ZNF587: variants seen among roughly 807,000 people sequenced by gnomAD.
ZNF587 encodes the protein zinc finger protein zfp6.
A neutral mutation model predicts 7.5 loss-of-function variants in ZNF587; 8 were observed. The ratio of observed to expected loss-of-function variants is 1.06; its 90% CI spans 0.62 to 1.92. ZNF587 has a LOEUF of 1.92. Ranked by LOEUF, ZNF587 falls within the 40% of genes most tolerant of loss-of-function variation. ZNF587 has a pLI of 0.00. For synonymous variants in ZNF587, 145 were observed against 237.8 expected (o/e 0.61, Z 3.59); for missense variants, 468 against 692.8 (o/e 0.68, Z 3.64).
chr19:57,863,214 T>G lies in ZNF587; in HGVS notation c.*3074T>G, dbSNP rs753004256. On this transcript the variant is annotated 3_prime_UTR_variant, in exon 3 of 3. Transcript: ENST00000339656. ...TCACTGCAACTTCTACCTCCTGGAT[T>G]CAAGCACTTCTCCTTGCCTCAGCCA... The G allele has an allele frequency of 4.6e-5, 7 of 152,276 alleles. No homozygotes were observed. Among genetic ancestry groups the G allele is most frequent in the Non-Finnish European group, 1.0e-4 (7 of 68,076 alleles). The allele number at this position is 152,276 out of a possible 1,614,324, so 9.4% of individuals were successfully genotyped here.
In ZNF587 at chr19:57,859,924, C is replaced by G. The variant is rs768676384; in HGVS notation, c.1512C>G (p.Ser504Arg). 2.5e-6 allele frequency: 4 copies of G among 1,614,046 alleles called. No individual in the cohort carries two copies. The Admixed American group carries it at 6.7e-5, about 27-fold the overall frequency. Reference sequence around the variant, plus strand: ...AATGTGGGAAATCATTTCTTTCCAGCTCTGCGCTTCATGTTCATAAAAGAG... The same window carrying G: ...AATGTGGGAAATCATTTCTTTCCAGGTCTGCGCTTCATGTTCATAAAAGAG... ...CSECGKSFLS[S>R]SALHVHKRVH... The change falls in exon 3 of 3, where the codon AGC becomes AGG. Residue 504 changes from serine to arginine, a missense_variant. This residue lies in a region of ZNF587 where 310 missense variants were observed against 325.6 expected (regional missense o/e 0.95). Transcript: ENST00000339656.
chr19:57,858,570 T>C lies in ZNF587; in HGVS notation c.164-6T>C. On this transcript the variant is annotated splice_polypyrimidine_tract_variant and splice_region_variant and intron_variant, in intron 2 of 2. Coordinates refer to ENST00000339656, the MANE Select transcript of ZNF587 (RefSeq NM_032828.4). Reference sequence around the variant, plus strand: ...TTGCACTTGACCAGCATTTTCTTGCTTTCAGGTTGTTGGTGTGGATCAAAA... The same window carrying C: ...TTGCACTTGACCAGCATTTTCTTGCCTTCAGGTTGTTGGTGTGGATCAAAA... 3.1e-6 allele frequency: 5 copies of C among 1,604,264 alleles called. No individual in the cohort carries two copies. Among genetic ancestry groups the C allele is most frequent in the Non-Finnish European group, 4.3e-6 (5 of 1,173,958 alleles).
rs940018602 is a variant in ZNF587, at chr19:57,864,934, A to C, written c.*4794A>C. On this transcript the variant is annotated 3_prime_UTR_variant, in exon 3 of 3. Transcript: ENST00000339656. ...AGAGTGAGATCCTGCCTCAAAAAAA[A>C]CAAAAAAATTCTTTATTTTCTCCAT... The C allele has an allele frequency of 6.6e-6, 1 of 152,192 alleles. No individual in the cohort carries two copies. 9.4% of individuals were successfully genotyped at this position (152,192 alleles called of 1,614,324 possible). A position where few individuals can be genotyped will look rare whatever the true frequency, so the allele number is the denominator to read the frequency against.
At chr19:57,852,452 G>T (rs1339350380) in intron 1 of ZNF587, 1 of 398,644 alleles carries the variant, frequency 2.5e-6, no homozygotes, top group Non-Finnish European at 4.4e-6. Context: ...CCAGGTGAGG[G>T]TTAATGGATC....
At position 57,864,614 on chromosome 19, in the gene ZNF587, T is replaced by C. The variant is rs1403779328; in HGVS notation, c.*4474T>C. 1 of 152,118 alleles carries C rather than the reference T, an allele frequency of 6.6e-6. No individual in the cohort carries two copies. The highest frequency in any genetic ancestry group is 1.5e-5 in the Non-Finnish European group (1 of 68,034). The allele number at this position is 152,118 out of a possible 1,614,324, so 9.4% of individuals were successfully genotyped here. On this transcript the variant is annotated 3_prime_UTR_variant, in exon 3 of 3. Transcript: ENST00000339656. ...AGCACATACAGGCACATACATGAAA[T>C]AGTGATACTTCATTCTCAGTAATAT... is the stretch of plus-strand genomic sequence containing the variant.
rs765796514 is a variant in ZNF587, at chr19:57,860,045, G to C, written c.1633G>C (p.Glu545Gln). The C allele has an allele frequency of 1.2e-6, 2 of 1,614,154 alleles. No individual in the cohort carries two copies. The highest frequency in any genetic ancestry group is 1.7e-6 in the Non-Finnish European group (2 of 1,180,012). The change falls in exon 3 of 3, where the codon GAA becomes CAA. Residue 545 changes from glutamate to glutamine, a missense_variant. Coordinates refer to ENST00000339656, the MANE Select transcript of ZNF587 (RefSeq NM_032828.4). ...TAAACACAGGAGAATTCACACTGGA[G>C]AAAGGCCTTATGAATGCACCAAATG... is the stretch of plus-strand genomic sequence containing the variant. ...LIKHRRIHTGERPYECTKCGK... is the reference protein window; with the variant it reads ...LIKHRRIHTGQRPYECTKCGK...
At position 57,859,543 on chromosome 19, in the gene ZNF587, A is replaced by C; in HGVS notation, c.1131A>C (p.Glu377Asp). The C allele has an allele frequency of 6.2e-7, 1 of 1,613,952 alleles. No individual in the cohort carries two copies. Among genetic ancestry groups the C allele is most frequent in the Non-Finnish European group, 8.5e-7 (1 of 1,179,974 alleles). Residue 377 changes from glutamate to aspartate, a missense_variant, in exon 3 of 3, where the codon GAA becomes GAC. Physicochemically the swap from Glu to Asp is conservative, Grantham distance 45 (BLOSUM62 2). This residue lies in a region of ZNF587 where 310 missense variants were observed against 325.6 expected (regional missense o/e 0.95). Coordinates refer to ENST00000339656, the MANE Select transcript of ZNF587 (RefSeq NM_032828.4). ...ACCATCAGCGTGTTCACACTGGAGA[A>C]AGGCCTTACAAGTGTGGAGAATGTG... ...FINHQRVHTG[E>D]RPYKCGECGK...
rs1055627224 is a variant in ZNF587 at position 57,863,871 on chromosome 19, T to C, written c.*3731T>C. The C allele has an allele frequency of 1.3e-5, 2 of 151,400 alleles. No homozygotes were observed. The highest frequency in any genetic ancestry group is 4.8e-5 in the African/African-American group (2 of 41,286). 9.4% of individuals were successfully genotyped at this position (151,400 alleles called of 1,614,324 possible). ...CACCCTGGCCAATATTGTGAATTCC[T>C]GTCTCTACTAAAAATACAAAAATTA... On this transcript the variant is annotated 3_prime_UTR_variant, in exon 3 of 3. Coordinates refer to ENST00000339656, the MANE Select transcript of ZNF587 (RefSeq NM_032828.4).
Position 57,856,215 on chromosome 19 carries a change from G to C in ZNF587, c.145G>C (p.Ala49Pro). ...LYRDVMLENL[A>P]LISSLGCWCG... is the part of the protein sequence containing the mutation. ...CCGTGATGTGATGCTAGAGAACCTG[G>C]CTCTCATATCCTCGCTGGGTAAGTT... Residue 49 changes from alanine to proline, a missense_variant, in exon 2 of 3, where the codon GCT becomes CCT. This residue lies in a region of ZNF587 where 92 missense variants were observed against 89.7 expected (regional missense o/e 1.03). Transcript: ENST00000339656. 6.3e-7 allele frequency: 1 copy of C among 1,593,096 alleles called. No homozygotes were observed. Among genetic ancestry groups the C allele is most frequent in the Non-Finnish European group, 8.6e-7 (1 of 1,166,866 alleles).
At chr19:57,850,754 T>C (rs1396467991) in intron 1 of ZNF587, 2 of 394,650 alleles carry the variant, frequency 5.1e-6, no homozygotes, top group African/African-American at 4.1e-5. Flanking sequence ...CCCAGTTTAT[T>C]GGTTTACAAG....
Position 57,858,611 on chromosome 19 carries a change from T to C in ZNF587, c.199T>C (p.Cys67Arg). 1.3e-6 allele frequency: 2 copies of C among 1,581,090 alleles called. No individual in the cohort carries two copies. The highest frequency in any genetic ancestry group is 1.7e-6 in the Non-Finnish European group (2 of 1,165,656). The change falls in exon 3 of 3, where the codon TGT (cysteine) becomes CGT (arginine). Residue 67 changes from cysteine (C) to arginine (R), a missense_variant. Around this residue, in one of 5 missense-constraint regions of ZNF587, gnomAD observed 92 missense variants for 89.7 expected, o/e 1.03. Coordinates refer to ENST00000339656, the MANE Select transcript of ZNF587 (RefSeq NM_032828.4). ...TGGATCAAAAGATGAGGAGGCACCT[T>C]GTAAGCAGAGAATTTCTGTACAAAG... ...WCGSKDEEAP[C>R]KQRISVQRES...
chr19:57,852,507 T>C lies in ZNF587; in HGVS notation c.33+2436T>C, dbSNP rs2071293089. ...TGGGTCTGGATTCAGGATTCACTTT[T>C]TGTAAAGAGACAGCTAGGTTTTCTT... On this transcript the variant is annotated intron_variant, in intron 1 of 2. Coordinates refer to ENST00000339656, the MANE Select transcript of ZNF587 (RefSeq NM_032828.4). The C allele has an allele frequency of 1.8e-5, 7 of 398,146 alleles. No individual in the cohort carries two copies. In the East Asian group the frequency reaches 2.1e-4, roughly 12 times the overall value. 24.7% of individuals were successfully genotyped at this position (398,146 alleles called of 1,614,324 possible). A position where few individuals can be genotyped will look rare whatever the true frequency, so the allele number is the denominator to read the frequency against.
intron 1 of ZNF587, chr19:57,850,904 C>A: frequency 4.6e-6 from 1 of 215,584 alleles, no homozygotes. Context: ...AGGCGTGTGT[C>A]TAAACTACTT....
Position 57,860,571 on chromosome 19 carries a change from A to G in ZNF587, c.*431A>G, listed in dbSNP as rs538620415. 8.8e-6 allele frequency: 2 copies of G among 227,228 alleles called. No homozygotes were observed. Among genetic ancestry groups the G allele is most frequent in the East Asian group, 2.2e-4 (2 of 9,136 alleles). The allele number at this position is 227,228 out of a possible 1,614,324, so 14.1% of individuals were successfully genotyped here. On this transcript the variant is annotated 3_prime_UTR_variant, in exon 3 of 3. Coordinates refer to ENST00000339656, the MANE Select transcript of ZNF587 (RefSeq NM_032828.4). Reference sequence around the variant, plus strand: ...GCATGAGCCTCTGCACCTGGCCTTCATTCTTTTCGTATTGCTTAGAATATG... The same window carrying G: ...GCATGAGCCTCTGCACCTGGCCTTCGTTCTTTTCGTATTGCTTAGAATATG...
At chr19:57,850,404 T>C in intron 1 of ZNF587, 2 of 572,760 alleles carry the variant, frequency 3.5e-6, no homozygotes, top group African/African-American at 1.9e-5. Context: ...GGGTAGGGGC[T>C]TGGGAAGTGG....
At chr19:57,852,622 G>C (rs1324055742) in intron 1 of ZNF587, among the ~76,000 whole-genome samples, 5 of 151,948 alleles carry the variant, frequency 3.3e-5, no homozygotes, top group African/African-American at 1.2e-4. Context: ...CTGCCTCCCA[G>C]GTTCAAGCAA....
chr19:57,852,568 C>A (rs1224080116), intron 1 of ZNF587, among the ~76,000 whole-genome samples: 4 of 148,688 alleles, frequency 2.7e-5, no homozygotes, highest in Non-Finnish European at 5.9e-5. Flanking sequence ...GTCTTGTTGC[C>A]CAGGCTGGAG....
intron 1 of ZNF587, among the ~76,000 whole-genome samples, chr19:57,853,602 C>A (rs899705958): frequency 6.6e-6 from 1 of 151,884 alleles, no homozygotes; most frequent in Non-Finnish European, 1.5e-5. Context: ...GTGTGAGTGA[C>A]CATCATAACA....
intron 1 of ZNF587, among the ~76,000 whole-genome samples, chr19:57,853,583 C>T (rs2071311187): frequency 6.6e-6 from 1 of 152,050 alleles, no homozygotes; most frequent in African/African-American, 2.4e-5. Flanking sequence ...TTCCTAAACA[C>T]CTGAGAGGGT....
Sources: allele counts gnomAD v4.1 joint callset (sites outside exome capture counted in the v4.1 genomes callset), GRCh38; gene constraint gnomAD v4.1.1; regional missense constraint gnomAD v4.1.1; transcripts MANE v1.5; gene names NCBI Gene and HGNC (gene_info 2026-07-23, HGNC 2026-07-21).